The following MCC variants were observed in gnomAD, a reference collection of about 807,000 sequenced individuals.
MCC encodes MCC regulator of Wnt signaling pathway.
Under a neutral mutation model 116.2 loss-of-function variants are expected in MCC, and 90 were observed. The observed-to-expected ratio is 0.77, with a 90% CI of 0.65 to 0.92. The LOEUF is 0.92. Among genes scored for constraint, MCC ranks in the 40% least tolerant of loss-of-function variants. The pLI is 0.00. For synonymous variants in MCC, 578 were observed against 510.5 expected, an observed-to-expected ratio of 1.13 and a Z score of -1.78; for missense variants, 1,516 against 1,312.2, an observed-to-expected ratio of 1.16 and a Z score of -2.40.
chr5:113,419,169 C>CT (rs764720031), intron 1 of MCC, among the ~76,000 whole-genome samples: 4,091 of 140,850 alleles, frequency 0.029, 198 homozygotes, highest in African/African-American at 0.094. Flanking sequence ...TTTTTTCTTT[C>CT]TTTTTTTTTT....
intron 1 of MCC, among the ~76,000 whole-genome samples, chr5:113,396,448 C>T (rs1008695697): frequency 1.3e-5 from 2 of 149,132 alleles, no homozygotes; most frequent in Non-Finnish European, 3.0e-5. Context: ...CTGGCCAACA[C>T]GGTGAAACCC....
intron 3 of MCC, among the ~76,000 whole-genome samples, chr5:113,267,535 T>C (rs1765466320): frequency 6.6e-6 from 1 of 152,202 alleles, no homozygotes; most frequent in Non-Finnish European, 1.5e-5. Context: ...GAGCTTATTC[T>C]GTCAGGGGCA....
intron 1 of MCC, among the ~76,000 whole-genome samples, chr5:113,387,994 A>C (rs1269367175): frequency 6.6e-6 from 1 of 152,198 alleles, no homozygotes; most frequent in African/African-American, 2.4e-5. Context: ...ATCTGTCCAC[A>C]GAGGCCCACC....
intron 14 of MCC, among the ~76,000 whole-genome samples, chr5:113,063,520 G>T (rs1753365175): frequency 6.6e-6 from 1 of 152,216 alleles, no homozygotes; most frequent in Non-Finnish European, 1.5e-5. Context: ...CCTGAGAAGA[G>T]CTTATAGACG....
intron 1 of MCC, among the ~76,000 whole-genome samples, chr5:113,474,146 A>T (rs765102470): frequency 2.0e-5 from 3 of 152,232 alleles, no homozygotes; most frequent in African/African-American, 4.8e-5. Flanking sequence ...AAGCATTTGA[A>T]GTGTTTCTAT....
chr5:113,308,807 C>CA (rs543028676), intron 3 of MCC, among the ~76,000 whole-genome samples: 7 of 127,918 alleles, frequency 5.5e-5, no homozygotes, highest in South Asian at 4.9e-4. Context: ...TAAGACCCTG[C>CA]AAAAAAAAAG....
chr5:113,187,003 G>C (rs1761927390), intron 3 of MCC, among the ~76,000 whole-genome samples: 1 of 152,130 alleles, frequency 6.6e-6, no homozygotes, highest in Non-Finnish European at 1.5e-5. Flanking sequence ...TCCTACTTTA[G>C]CAGAAATCCT....
At chr5:113,115,377 G>A (rs565174553) in intron 6 of MCC, among the ~76,000 whole-genome samples, 1 of 152,318 alleles carries the variant, frequency 6.6e-6, no homozygotes, top group East Asian at 1.9e-4. Context: ...CAAAGCAATC[G>A]AGGCTGCATT....
At chr5:113,400,502 A>G (rs1010001692) in intron 1 of MCC, among the ~76,000 whole-genome samples, 4 of 152,064 alleles carry the variant, frequency 2.6e-5, no homozygotes, top group Admixed American at 2.6e-4. Flanking sequence ...TCCCCCTTGG[A>G]TTATTTCTTT....
chr5:113,390,803 G>A (rs555475062), intron 1 of MCC, among the ~76,000 whole-genome samples: 29 of 152,214 alleles, frequency 1.9e-4, no homozygotes, highest in African/African-American at 5.5e-4. Context: ...GCTTTTGTTC[G>A]AAATTCTCAA....
Position 113,274,062 on chromosome 5 carries a change from C to T in MCC, c.627+66457G>A, listed in dbSNP as rs555386378. Among the ~76,000 whole-genome samples the T allele has an allele frequency of 8.5e-4, 130 of 152,280 alleles. 1 individual carries two copies. Among genetic ancestry groups the T allele is most frequent in the African/African-American group, 3.1e-3 (128 of 41,552 alleles). On this transcript the variant is annotated intron_variant, in intron 3 of 18. Transcript: ENST00000408903. Reference sequence around the variant, plus strand: ...ATACAAACAGGTAAACATTGTATACCCAACATGTGTATGAAGCAGGATAGG... The same window carrying T: ...ATACAAACAGGTAAACATTGTATACTCAACATGTGTATGAAGCAGGATAGG...
rs768914001 is a variant in MCC at position 113,043,589 on chromosome 5, T to C, written c.2697A>G (p.Glu899=). The C allele has an allele frequency of 1.2e-6, 2 of 1,614,152 alleles. No homozygotes were observed. The highest frequency in any genetic ancestry group is 2.2e-5 in the South Asian group (2 of 91,064). Residue 899 remains glutamate (E), a synonymous_variant, in exon 17 of 19, where the codon GAA becomes GAG. Transcript: ENST00000408903. The part of the protein sequence containing the change: ...DAASPALSLA[E]LRTTCSENEL... ...CATTCTCGCTGCACGTTGTCCTGAG[T>C]TCGGCTAGGGACAGAGCTGGGGAGG... is the stretch of plus-strand genomic sequence containing the variant.
At chr5:113,243,250 GTAAT>G (rs1764446658) in intron 3 of MCC, among the ~76,000 whole-genome samples, 4 of 152,036 alleles carry the variant, frequency 2.6e-5, no homozygotes, top group African/African-American at 9.7e-5. Context: ...CCCTCTTCTG[GTAAT>G]GAATCATCAG....
At chr5:113,308,330 A>G (rs1202272572) in intron 3 of MCC, among the ~76,000 whole-genome samples, 1 of 152,186 alleles carries the variant, frequency 6.6e-6, no homozygotes, top group Non-Finnish European at 1.5e-5. Context: ...GGTGAGCTGT[A>G]TGATGCTCAG....
At chr5:113,224,045 T>A (rs565484642) in intron 3 of MCC, among the ~76,000 whole-genome samples, 1 of 152,268 alleles carries the variant, frequency 6.6e-6, no homozygotes, top group East Asian at 1.9e-4. Context: ...ACTCAAGGAA[T>A]GCTCATACCA....
intron 3 of MCC, among the ~76,000 whole-genome samples, chr5:113,198,262 T>C (rs1762513200): frequency 1.3e-5 from 2 of 152,220 alleles, no homozygotes; most frequent in African/African-American, 2.4e-5. Flanking sequence ...GGGGCTGTCA[T>C]TTGAGTCCTT....
intron 3 of MCC, among the ~76,000 whole-genome samples, chr5:113,339,438 T>TGTGTGCGC (rs145838279): frequency 1.1e-3 from 170 of 149,658 alleles, no homozygotes; most frequent in African/African-American, 3.3e-3. Context: ...TGTGTGTGTG[T>TGTGTGCGC]GCGTGCATGT....
intron 3 of MCC, among the ~76,000 whole-genome samples, chr5:113,262,257 C>T (rs1765245520): frequency 6.6e-6 from 1 of 152,082 alleles, no homozygotes; most frequent in Non-Finnish European, 1.5e-5. Context: ...TAATGTCAAT[C>T]CCATGATTCT....
At chr5:113,099,969 C>G (rs148440618) in intron 8 of MCC, among the ~76,000 whole-genome samples, 1 of 152,054 alleles carries the variant, frequency 6.6e-6, no homozygotes, top group East Asian at 1.9e-4. Context: ...GGAGTGTAAC[C>G]CAGGAAATTA....
Sources: gnomAD v4.1 joint callset for allele counts (sites outside exome capture counted in the v4.1 genomes callset) on GRCh38, gnomAD v4.1.1 for gene constraint, MANE v1.5 for transcripts, NCBI Gene and HGNC (gene_info 2026-07-23, HGNC 2026-07-21) for gene names.